Variants in MORC3 observed in about 807,000 individuals in gnomAD.
MORC3 encodes the protein MORC family CW-type zinc finger protein 3.
Under a neutral mutation model 109.1 loss-of-function variants are expected in MORC3, and 31 were observed. The ratio of observed to expected loss-of-function variants is 0.28; its 90% confidence interval spans 0.21 to 0.38. The LOEUF (loss-of-function observed/expected upper bound fraction) is 0.38. Ranked by LOEUF, MORC3 falls within the 10% of genes least tolerant of loss-of-function variation. The pLI is 1.00. For missense variants in MORC3, 867 were observed against 1,135.8 expected, an observed-to-expected ratio of 0.76 and a Z score of 3.40; for synonymous variants, 395 against 380.7, an observed-to-expected ratio of 1.04 and a Z score of -0.44.
intron 16 of MORC3, 126 bp from the exon 17 acceptor site, chr21:36,375,017 T>C (rs1056709574): frequency 4.1e-5 from 41 of 1,001,144 alleles, no homozygotes; most frequent in Non-Finnish European, 5.7e-5. Flanking sequence ...GGGGAGGTTT[T>C]GCTTTTCCTT....
intron 1 of MORC3, among the ~76,000 whole-genome samples, chr21:36,325,983 G>GA (rs1246973017): frequency 3.3e-5 from 5 of 152,164 alleles, no homozygotes; most frequent in African/African-American, 1.2e-4. Flanking sequence ...GAGGCAGGGG[G>GA]ATCACTTGAG....
At chr21:36,324,011 G>A (rs1041654408) in intron 1 of MORC3, among the ~76,000 whole-genome samples, 1 of 151,870 alleles carries the variant, frequency 6.6e-6, no homozygotes, top group Non-Finnish European at 1.5e-5. Flanking sequence ...GAGTAGCTGG[G>A]ATTGCAGGCA....
At chr21:36,367,043 G>T (rs1445670323) in intron 14 of MORC3, among the ~76,000 whole-genome samples, 1 of 152,190 alleles carries the variant, frequency 6.6e-6, no homozygotes, top group Non-Finnish European at 1.5e-5. Flanking sequence ...AGATAGATAG[G>T]GGTGAGAACC....
chr21:36,331,879 C>T (rs1013208131), intron 1 of MORC3, among the ~76,000 whole-genome samples: 1 of 152,180 alleles, frequency 6.6e-6, no homozygotes, highest in Non-Finnish European at 1.5e-5. Flanking sequence ...GTGGCCCACT[C>T]CTGCAATCCC....
rs2085392103 is a variant in MORC3 at position 36,337,924 on chromosome 21, A to G, written c.438A>G (p.Pro146=). 3.1e-6 allele frequency: 5 copies of G among 1,614,148 alleles called. No individual in the cohort carries two copies. The highest frequency in any genetic ancestry group is 1.3e-5 in the African/African-American group (1 of 75,068). ...TAAAAGCGGAGCATGTTGTTGTTCC[A>G]ATAGTGGCATTCAACAAGCACCATA... ...EVIKAEHVVV[P]IVAFNKHRQM... The change falls in exon 4 of 17, where the codon CCA becomes CCG. Residue 146 remains proline (P), a synonymous_variant. Transcript: ENST00000400485.
chr21:36,360,165 A>G lies in MORC3; in HGVS notation c.1332-19A>G, dbSNP rs997350661. 3.7e-6 allele frequency: 6 copies of G among 1,614,048 alleles called. No individual in the cohort carries two copies. The South Asian group carries it at 4.4e-5, about 12-fold the overall frequency. On this transcript the variant is annotated intron_variant, in intron 11 of 16. Coordinates refer to ENST00000400485, the MANE Select transcript of MORC3 (RefSeq NM_015358.3). ...TAGGCGCTGGTGACATGTTATTCCT[A>G]TGTGATTTTTCTGAATAGAAATTGT...
intron 12 of MORC3, chr21:36,360,851 C>A (rs933394704): frequency 2.0e-5 from 3 of 152,404 alleles, no homozygotes; most frequent in Non-Finnish European, 4.4e-5. Context: ...GCGGGTGGAT[C>A]ACCTGAGGTC....
intron 5 of MORC3, 106 bp from the exon 6 acceptor site, chr21:36,341,293 T>C: frequency 9.6e-7 from 1 of 1,041,504 alleles, no homozygotes; most frequent in Non-Finnish European, 1.4e-6. Flanking sequence ...ACGTGCACCA[T>C]GTGTAGGTTT....
In MORC3 at chr21:36,333,766, T is replaced by TG. The variant is rs1399794388; in HGVS notation, c.112+49dup. On this transcript the variant is annotated intron_variant, in intron 2 of 16. Coordinates refer to ENST00000400485, the MANE Select transcript of MORC3 (RefSeq NM_015358.3). ...TACCATTTGTTGCTTACAATTGTAGTGTTTTTTTTTTTGTTTTGTTTTGTT... is the reference window on the plus strand; with the variant it reads ...TACCATTTGTTGCTTACAATTGTAGTGGTTTTTTTTTTTGTTTTGTTTTGTT... The TG allele has an allele frequency of 4.4e-6, 6 of 1,374,796 alleles. No individual in the cohort carries two copies. The African/African-American group carries it at 7.7e-5, about 18-fold the overall frequency. The allele number at this position is 1,374,796 out of a possible 1,614,324, so 85.2% of individuals were successfully genotyped here. A position where few individuals can be genotyped will look rare whatever the true frequency, so the allele number is the denominator to read the frequency against.
chr21:36,373,350 G>A (rs1015607070), intron 16 of MORC3, among the ~76,000 whole-genome samples: 1 of 151,068 alleles, frequency 6.6e-6, no homozygotes, highest in Non-Finnish European at 1.5e-5. Context: ...AAAACCAAGC[G>A]TGGTGCCTCA....
At chr21:36,358,683 T>C (rs1191077422) in intron 10 of MORC3, among the ~76,000 whole-genome samples, 3 of 143,016 alleles carry the variant, frequency 2.1e-5, no homozygotes, top group African/African-American at 7.7e-5. Context: ...TGATTTTTCT[T>C]TTTTTTTTGT....
At chr21:36,331,550 T>A (rs2085315295) in intron 1 of MORC3, among the ~76,000 whole-genome samples, 1 of 151,924 alleles carries the variant, frequency 6.6e-6, no homozygotes, top group Non-Finnish European at 1.5e-5. Context: ...TGCAGTGAGC[T>A]GAGATGGCGC....
intron 6 of MORC3, among the ~76,000 whole-genome samples, chr21:36,342,391 T>A (rs1287384345): frequency 6.6e-6 from 1 of 152,102 alleles, no homozygotes; most frequent in Non-Finnish European, 1.5e-5. Flanking sequence ...ATGAGGTTTT[T>A]GTTTTTTTGT....
At chr21:36,331,096 C>A (rs943894075) in intron 1 of MORC3, among the ~76,000 whole-genome samples, 1 of 152,124 alleles carries the variant, frequency 6.6e-6, no homozygotes, top group Non-Finnish European at 1.5e-5. Context: ...AGAAGTAGAC[C>A]TTTCTGACAC....
chr21:36,364,927 C>G (rs2085762017), intron 14 of MORC3, among the ~76,000 whole-genome samples: 1 of 151,580 alleles, frequency 6.6e-6, no homozygotes. Flanking sequence ...CGTTACATGC[C>G]TGTAATCCCA....
intron 10 of MORC3, among the ~76,000 whole-genome samples, chr21:36,358,584 A>G (rs758668193): frequency 7.9e-5 from 12 of 152,258 alleles, no homozygotes; most frequent in South Asian, 4.1e-4. Context: ...GGTGAGACCT[A>G]TCTCTTAAAA....
chr21:36,333,693 A>G lies in MORC3; in HGVS notation c.87A>G (p.Pro29=), dbSNP rs748507864. 11 of 1,613,022 alleles carry G rather than the reference A, an allele frequency of 6.8e-6. No individual in the cohort carries two copies. Among genetic ancestry groups the G allele is most frequent in the Non-Finnish European group, 9.3e-6 (11 of 1,179,440 alleles). The change falls in exon 2 of 17, where the codon CCA becomes CCG. Residue 29 remains proline, a synonymous_variant. Transcript: ENST00000400485. ...CAAATTCTACTAGTCACACCTGGCC[A>G]TTCAGTGCAGTTGCTGAATTAATAG... The part of the protein sequence containing the change: ...LHTNSTSHTW[P]FSAVAELIDN...
chr21:36,320,291 A>T lies in MORC3; in HGVS notation c.27A>T (p.Ile9=), dbSNP rs2236433. The part of the protein sequence containing the change: MAAQPPRG[I]RLSALCPKFL... Reference sequence around the variant, plus strand: ...TGGCGGCGCAGCCACCCCGCGGGATACGCCTCAGCGCGGTGAGCAGCCGCG... The same window carrying T: ...TGGCGGCGCAGCCACCCCGCGGGATTCGCCTCAGCGCGGTGAGCAGCCGCG... Residue 9 remains isoleucine, a synonymous_variant, in exon 1 of 17, where the codon ATA becomes ATT. Coordinates refer to ENST00000400485, the MANE Select transcript of MORC3 (RefSeq NM_015358.3). 260,787 of 1,556,942 alleles carry T rather than the reference A, an allele frequency of 0.17. 27,076 individuals carry two copies. Among genetic ancestry groups the T allele is most frequent in the East Asian group, 0.52 (21,260 of 40,862 alleles).
chr21:36,369,489 T>G lies in MORC3; in HGVS notation c.2121T>G (p.Thr707=). The change falls in exon 15 of 17, where the codon ACT becomes ACG. Residue 707 remains threonine, a synonymous_variant. Transcript: ENST00000400485. ...QELRNQLLLV[T]EEKENYKRQC... ...TGAGAAACCAGCTACTCCTTGTCAC[T>G]GAGGAAAAAGAGAATTATAAAAGAC... The G allele has an allele frequency of 6.2e-7, 1 of 1,614,088 alleles. No individual in the cohort carries two copies.
Sources: gnomAD v4.1 joint callset for allele counts (sites outside exome capture counted in the v4.1 genomes callset) on GRCh38, gnomAD v4.1.1 for gene constraint, MANE v1.5 for transcripts, NCBI Gene and HGNC (gene_info 2026-07-23, HGNC 2026-07-21) for gene names.